The following RNF216 variants were observed in gnomAD, a reference collection of about 807,000 sequenced individuals.
The protein encoded by RNF216 is E3 ubiquitin-protein ligase RNF216.
In RNF216, 72 loss-of-function variants were observed where a neutral mutation model predicts 110.8. The observed-to-expected ratio is 0.65, with a 90% CI of 0.54 to 0.79. RNF216 has a LOEUF of 0.79. Among genes scored for constraint, RNF216 ranks in the 30% least tolerant of loss-of-function variants. RNF216 has a pLI of 0.00. For synonymous variants in RNF216, 495 were observed against 407.5 expected (o/e 1.21, Z -2.59); for missense variants, 1,342 against 1,141.2 (o/e 1.18, Z -2.54).
At chr7:5,778,026 T>C (rs1173344204) in intron 1 of RNF216, among the ~76,000 whole-genome samples, 1 of 152,240 alleles carries the variant, frequency 6.6e-6, no homozygotes, top group African/African-American at 2.4e-5. Context: ...ATGCTTCTGC[T>C]TCTAGCCCAA....
At chr7:5,674,099 G>A (rs1163987545) in intron 13 of RNF216, among the ~76,000 whole-genome samples, 3 of 150,870 alleles carry the variant, frequency 2.0e-5, no homozygotes, top group Non-Finnish European at 3.0e-5. Context: ...GCGTTATCTC[G>A]GCTCACTGCA....
intron 1 of RNF216, among the ~76,000 whole-genome samples, chr7:5,773,529 C>A (rs985152813): frequency 1.3e-5 from 2 of 152,002 alleles, no homozygotes; most frequent in South Asian, 2.1e-4. Context: ...GAGTGAGCCA[C>A]CACACCCAGC....
At chr7:5,751,660 G>A (rs954719593) in intron 3 of RNF216, among the ~76,000 whole-genome samples, 3 of 151,954 alleles carry the variant, frequency 2.0e-5, no homozygotes, top group Non-Finnish European at 4.4e-5. Context: ...GTCCCAGCCT[G>A]ACAAGAAAAG....
chr7:5,649,418 AG>A lies in RNF216; in HGVS notation c.2159+2994del, dbSNP rs1450024910. On this transcript the variant is annotated intron_variant, in intron 14 of 16. Transcript: ENST00000389902. Reference sequence around the variant, plus strand: ...AAAAAAGACAGAAAGAAAGGGAGGGAGGATCACTCAAGCTCAGGAGGTCAAG... The same window carrying A: ...AAAAAAGACAGAAAGAAAGGGAGGGAGATCACTCAAGCTCAGGAGGTCAAG... 7.3e-5 allele frequency among the ~76,000 whole-genome samples: 11 copies of A among 151,018 alleles called. No individual in the cohort carries two copies. The East Asian group carries it at 2.2e-3, about 30-fold the overall frequency.
intron 13 of RNF216, among the ~76,000 whole-genome samples, chr7:5,703,600 G>A (rs1792106803): frequency 6.6e-6 from 1 of 152,182 alleles, no homozygotes. Context: ...ACCTAGAAAG[G>A]GCAGAAAAAC....
In RNF216 at chr7:5,725,289, C is replaced by T. The variant is rs747828748; in HGVS notation, c.1504+35G>A. On this transcript the variant is annotated intron_variant, in intron 8 of 16. Transcript: ENST00000389902. ...GTGAAGAAGAAAAGGTACAGTGTTG[C>T]AGCTACACACTGCCACCAACACAGT... is the stretch of plus-strand genomic sequence containing the variant. 8 of 1,204,474 alleles carry T rather than the reference C, an allele frequency of 6.6e-6. No homozygotes were observed. In the Admixed American group the frequency reaches 1.2e-4, roughly 18 times the overall value. The allele number at this position is 1,204,474 out of a possible 1,614,324, so 74.6% of individuals were successfully genotyped here.
intron 13 of RNF216, among the ~76,000 whole-genome samples, chr7:5,708,724 G>A (rs1324995216): frequency 6.6e-6 from 1 of 152,184 alleles, no homozygotes; most frequent in Non-Finnish European, 1.5e-5. Context: ...GCCCTCTGGA[G>A]CTGCTGTAAG....
At chr7:5,674,959 T>G (rs1401523765) in intron 13 of RNF216, among the ~76,000 whole-genome samples, 1 of 152,048 alleles carries the variant, frequency 6.6e-6, no homozygotes, top group African/African-American at 2.4e-5. Flanking sequence ...ATCGCGCCAC[T>G]GCACTCCAGC....
intron 3 of RNF216, among the ~76,000 whole-genome samples, 170 bp from the exon 4 acceptor site, chr7:5,741,985 T>A (rs920387378): frequency 6.6e-6 from 1 of 152,218 alleles, no homozygotes; most frequent in Non-Finnish European, 1.5e-5. Flanking sequence ...TTACACTATA[T>A]ACTATCTGTA....
rs769486215 is a variant in RNF216 at position 5,641,189 on chromosome 7, C to G, written c.2347G>C (p.Glu783Gln). 3.1e-6 allele frequency: 5 copies of G among 1,614,198 alleles called. 1 individual carries two copies. The South Asian group carries it at 5.5e-5, about 18-fold the overall frequency. The change falls in exon 15 of 17, where the codon GAG becomes CAG. Residue 783 changes from glutamate to glutamine, a missense_variant. Coordinates refer to ENST00000389902, the MANE Select transcript of RNF216 (RefSeq NM_207111.4). ...GTCCAGAGAGAGCATCTTGAACACT[C>G]CTGGCAAGGGGCTCCTGGTGAGCGG... ...HPRSPGAPCQ[E>Q]CSRCSLWTDP...
chr7:5,667,670 G>GT (rs1789617333), intron 13 of RNF216, among the ~76,000 whole-genome samples: 1 of 152,200 alleles, frequency 6.6e-6, no homozygotes, highest in African/African-American at 2.4e-5. Flanking sequence ...GCTTCCCAGG[G>GT]TTTTGCTGGG....
At chr7:5,665,682 G>C (rs1039869826) in intron 13 of RNF216, among the ~76,000 whole-genome samples, 5 of 151,936 alleles carry the variant, frequency 3.3e-5, no homozygotes, top group African/African-American at 9.7e-5. Context: ...CAGAGTGGGA[G>C]GGTAAAGTCT....
At chr7:5,683,833 G>C (rs968729930) in intron 13 of RNF216, among the ~76,000 whole-genome samples, 48 of 152,166 alleles carry the variant, frequency 3.2e-4, no homozygotes, top group African/African-American at 1.1e-3. Flanking sequence ...AAGCCCAGCA[G>C]AATTTACAGC....
chr7:5,634,293 CCT>C (rs1201664013), intron 15 of RNF216, among the ~76,000 whole-genome samples: 1 of 152,174 alleles, frequency 6.6e-6, no homozygotes, highest in East Asian at 1.9e-4. Context: ...TGGTGCTTCC[CCT>C]CTGAGATTCT....
intron 10 of RNF216, 42 bp from the exon 11 acceptor site, chr7:5,715,232 A>C (rs1792971786): frequency 6.3e-7 from 1 of 1,585,420 alleles, no homozygotes; most frequent in Non-Finnish European, 8.6e-7. Context: ...TCCTGCACTT[A>C]AGGAGAGGGG....
At chr7:5,695,555 G>C (rs1224061412) in intron 13 of RNF216, among the ~76,000 whole-genome samples, 1 of 152,256 alleles carries the variant, frequency 6.6e-6, no homozygotes, top group Non-Finnish European at 1.5e-5. Context: ...CTGCAGAGCA[G>C]AAGACACCGC....
intron 13 of RNF216, among the ~76,000 whole-genome samples, chr7:5,675,329 C>T (rs1790213235): frequency 6.6e-6 from 1 of 152,092 alleles, no homozygotes; most frequent in African/African-American, 2.4e-5. Flanking sequence ...GGGCCATATC[C>T]CAGGGGACAG....
At chr7:5,755,239 AAAGGAAGG>A (rs58341461) in intron 2 of RNF216, among the ~76,000 whole-genome samples, 302 of 145,672 alleles carry the variant, frequency 2.1e-3, no homozygotes, top group African/African-American at 5.3e-3. Flanking sequence ...GGGAAGGATG[AAAGGAAGG>A]AAGGAAGGAA....
chr7:5,646,145 G>C (rs116333007), intron 14 of RNF216, among the ~76,000 whole-genome samples: 1 of 152,152 alleles, frequency 6.6e-6, no homozygotes. Context: ...ATTATACTGA[G>C]AAGAGTCTAG....
Sources: allele counts gnomAD v4.1 joint callset (sites outside exome capture counted in the v4.1 genomes callset), GRCh38; gene constraint gnomAD v4.1.1; transcripts MANE v1.5; gene names NCBI Gene and HGNC (gene_info 2026-07-23, HGNC 2026-07-21).